Variants in EDA observed in about 807,000 individuals in gnomAD.
EDA encodes ectodysplasin-A.
A neutral mutation model predicts 23.6 loss-of-function variants in EDA; 2 were observed. The observed-to-expected ratio is 0.08, with a 90% CI of 0.03 to 0.27. The LOEUF is 0.27. EDA is among the 10% of genes least tolerant of loss of function. The probability of loss-of-function intolerance (pLI) is 1.00; values close to 1 mark genes in which losing one functional copy is unlikely to be tolerated. For synonymous variants in EDA, 131 were observed against 132.0 expected (o/e 0.99, Z 0.05); for missense variants, 229 against 324.2 (o/e 0.71, Z 2.26).
intron 1 of EDA, among the ~76,000 whole-genome samples, chrX:69,848,911 T>C (rs2017061654): frequency 9.0e-6 from 1 of 111,476 alleles, no homozygotes; most frequent in African/African-American, 3.3e-5. Flanking sequence ...CTTTTAAGGA[T>C]TGTCAAACTT....
chrX:70,029,514 T>G lies in EDA; in HGVS notation c.717T>G (p.Asp239Glu), dbSNP rs766810445. 16 of 1,212,210 alleles carry G rather than the reference T, an allele frequency of 1.3e-5. 1 individual carries two copies. The South Asian group carries it at 2.8e-4, about 21-fold the overall frequency. Residue 239 changes from aspartate to glutamate, a missense_variant, in exon 5 of 8, where the codon GAT becomes GAG. Coordinates refer to ENST00000374552, the MANE Select transcript of EDA (RefSeq NM_001399.5). Reference protein sequence around the residue: ...PGLQGPSGAADKAGTRENQPA... With the variant: ...PGLQGPSGAAEKAGTRENQPA... Reference sequence around the variant, plus strand: ...TATCCTATTTTGCAGGTGCTGCTGATAAAGCTGGAACTCGAGAAAACCAGG... The same window carrying G: ...TATCCTATTTTGCAGGTGCTGCTGAGAAAGCTGGAACTCGAGAAAACCAGG...
At chrX:69,913,521 T>C (rs1202784309) in intron 1 of EDA, among the ~76,000 whole-genome samples, 2 of 112,711 alleles carry the variant, frequency 1.8e-5, no homozygotes, top group African/African-American at 6.4e-5. Context: ...TGGATTAGGC[T>C]TTGGCTTAAA....
chrX:69,787,247 T>C (rs1341600646), intron 1 of EDA, among the ~76,000 whole-genome samples: 1 of 100,913 alleles, frequency 9.9e-6, no homozygotes, highest in Non-Finnish European at 2.0e-5. Context: ...CTTTATCCAA[T>C]TTGCCAGTCT....
At chrX:69,695,262 G>A (rs1393998913) in intron 1 of EDA, among the ~76,000 whole-genome samples, 4 of 109,872 alleles carry the variant, frequency 3.6e-5, no homozygotes, top group African/African-American at 1.3e-4. Flanking sequence ...GGAGGTAGCA[G>A]TGAGCTGAGA....
chrX:69,749,690 T>G (rs147594340), intron 1 of EDA: 97 of 111,687 alleles, frequency 8.7e-4, no homozygotes, highest in African/African-American at 3.1e-3. Flanking sequence ...TTCATTAGTC[T>G]CTTCTTGGCT....
chrX:69,676,205 G>C (rs766603219), intron 1 of EDA, among the ~76,000 whole-genome samples: 1 of 111,402 alleles, frequency 9.0e-6, no homozygotes, highest in Non-Finnish European at 1.9e-5. Context: ...CTTGAGCAAA[G>C]GGGTTACCTG....
intron 2 of EDA, among the ~76,000 whole-genome samples, chrX:69,989,936 CTTT>C (rs760347264): frequency 1.4e-4 from 10 of 70,701 alleles, no homozygotes; most frequent in Non-Finnish European, 2.4e-4. Flanking sequence ...GTTAGGCTTT[CTTT>C]TTTTTTTTTT....
chrX:69,722,999 C>G (rs2012648041), intron 1 of EDA, among the ~76,000 whole-genome samples: 1 of 112,050 alleles, frequency 8.9e-6, no homozygotes, highest in African/African-American at 3.2e-5. Flanking sequence ...CACGTTATAG[C>G]TTTCTTTTGA....
intron 1 of EDA, among the ~76,000 whole-genome samples, chrX:69,828,786 T>A (rs1028286390): frequency 8.9e-5 from 10 of 112,692 alleles, no homozygotes; most frequent in Non-Finnish European, 1.7e-4. Flanking sequence ...TCCTGTCATA[T>A]CATGTTTTTC....
rs2020275958 is a variant in EDA, at chrX:70,036,942, G to C, written c.*1333G>C. ...GCTCATGCTGCTCCCCTAAAGCCAG[G>C]CTCAGGAGAAGCCAGTGTCTAGGCA... On this transcript the variant is annotated 3_prime_UTR_variant, in exon 8 of 8. Coordinates refer to ENST00000374552, the MANE Select transcript of EDA (RefSeq NM_001399.5). The C allele has an allele frequency of 8.9e-6, 1 of 112,808 alleles. No homozygotes were observed. The highest frequency in any genetic ancestry group is 3.2e-5 in the African/African-American group (1 of 31,090). 9.3% of individuals were successfully genotyped at this position (112,808 alleles called of 1,213,427 possible).
At chrX:69,845,538 C>T in intron 1 of EDA, among the ~76,000 whole-genome samples, 1 of 112,090 alleles carries the variant, frequency 8.9e-6, no homozygotes, top group Non-Finnish European at 1.9e-5. Flanking sequence ...GTTAATAGGT[C>T]AGCCTTTGGC....
intron 1 of EDA, among the ~76,000 whole-genome samples, chrX:69,941,434 A>G (rs2018755956): frequency 9.0e-6 from 1 of 111,474 alleles, no homozygotes; most frequent in Non-Finnish European, 1.9e-5. Flanking sequence ...CATTTGTTTT[A>G]TATATCTGGG....
At chrX:69,998,841 T>C (rs1340899487) in intron 2 of EDA, among the ~76,000 whole-genome samples, 1 of 111,943 alleles carries the variant, frequency 8.9e-6, no homozygotes, top group African/African-American at 3.2e-5. Context: ...CCATGTGAGA[T>C]GTGCCTTTCA....
intron 1 of EDA, among the ~76,000 whole-genome samples, chrX:69,785,581 A>T (rs1171086726): frequency 2.7e-5 from 3 of 110,790 alleles, no homozygotes; most frequent in African/African-American, 9.8e-5. Context: ...TTCTGTTTAT[A>T]TGCTGGATTA....
chrX:69,826,043 A>G (rs966615869), intron 1 of EDA, among the ~76,000 whole-genome samples: 1 of 108,762 alleles, frequency 9.2e-6, no homozygotes, highest in Non-Finnish European at 1.9e-5. Flanking sequence ...TTCTAGTTTG[A>G]TTGCACTGTG....
intron 1 of EDA, among the ~76,000 whole-genome samples, chrX:69,802,100 A>G (rs2015701992): frequency 9.0e-6 from 1 of 111,134 alleles, no homozygotes; most frequent in Non-Finnish European, 1.9e-5. Flanking sequence ...GAAATTGGAA[A>G]CAACTTAAAT....
chrX:69,846,585 G>C (rs1282539224), intron 1 of EDA, among the ~76,000 whole-genome samples: 1 of 111,467 alleles, frequency 9.0e-6, no homozygotes, highest in East Asian at 2.8e-4. Flanking sequence ...GTGAGCCACC[G>C]TGCCCGGCCT....
intron 1 of EDA, among the ~76,000 whole-genome samples, chrX:69,701,458 C>T (rs1332959565): frequency 1.8e-5 from 2 of 112,222 alleles, no homozygotes; most frequent in Non-Finnish European, 3.8e-5. Context: ...GGAGCTGCGG[C>T]CCTTGGGCCT....
intron 3 of EDA, among the ~76,000 whole-genome samples, chrX:70,025,579 AGT>A (rs1399973809): frequency 1.8e-5 from 2 of 111,789 alleles, no homozygotes; most frequent in Non-Finnish European, 3.8e-5. Context: ...ATTTGCCCAA[AGT>A]GTGTCTGTGG....
Sources: allele counts gnomAD v4.1 joint callset (sites outside exome capture counted in the v4.1 genomes callset), GRCh38; gene constraint gnomAD v4.1.1; transcripts MANE v1.5; gene names NCBI Gene and HGNC (gene_info 2026-07-23, HGNC 2026-07-21).